The following WWOX variants were observed in gnomAD, a reference collection of about 807,000 sequenced individuals.
The protein encoded by WWOX is WW domain-containing oxidoreductase.
A neutral mutation model predicts 46.2 loss-of-function variants in WWOX; 69 were observed. That is an observed-to-expected ratio of 1.49 (90% CI 1.23 to 1.82). The LOEUF is 1.82. Among genes scored for constraint, WWOX ranks in the 40% most tolerant of loss-of-function variants. The probability of loss-of-function intolerance (pLI) is 0.00; values close to 1 mark genes in which losing one functional copy is unlikely to be tolerated. For missense variants in WWOX, 919 were observed against 542.6 expected, an observed-to-expected ratio of 1.69 and a Z score of -6.89; for synonymous variants, 359 against 202.6, an observed-to-expected ratio of 1.77 and a Z score of -6.56.
intron 5 of WWOX, among the ~76,000 whole-genome samples, chr16:78,166,228 A>C (rs992265998): frequency 6.6e-6 from 1 of 151,334 alleles, no homozygotes; most frequent in Non-Finnish European, 1.5e-5. Flanking sequence ...GATCTACTTC[A>C]TTGTTTTAAC....
intron 5 of WWOX, among the ~76,000 whole-genome samples, chr16:78,292,964 C>G (rs561029045): frequency 2.6e-5 from 4 of 152,324 alleles, no homozygotes; most frequent in East Asian, 3.9e-4. Context: ...CTCCCCTCCC[C>G]ACCCTTGTTG....
At chr16:78,408,817 G>C (rs528970348) in intron 6 of WWOX, among the ~76,000 whole-genome samples, 2 of 152,296 alleles carry the variant, frequency 1.3e-5, no homozygotes, top group African/African-American at 4.8e-5. Context: ...CATGTAGGCT[G>C]GGCATCTGGG....
At chr16:78,252,653 A>T (rs2038015430) in intron 5 of WWOX, among the ~76,000 whole-genome samples, 1 of 152,182 alleles carries the variant, frequency 6.6e-6, no homozygotes, top group South Asian at 2.1e-4. Context: ...ACCAGCGATT[A>T]ATTATGCCTT....
intron 8 of WWOX, among the ~76,000 whole-genome samples, chr16:78,444,554 G>A (rs12926077): frequency 2.4e-5 from 3 of 126,130 alleles, no homozygotes; most frequent in African/African-American, 1.1e-4. Context: ...TTTTTGAGGT[G>A]GAGTCTCACT....
At chr16:78,312,656 T>A (rs1597468700) in intron 5 of WWOX, among the ~76,000 whole-genome samples, 1 of 152,226 alleles carries the variant, frequency 6.6e-6, no homozygotes, top group Non-Finnish European at 1.5e-5. Flanking sequence ...ATTACAGGCA[T>A]GAGCCACTGT....
At chr16:78,833,777 TAA>T (rs2051897698) in intron 8 of WWOX, among the ~76,000 whole-genome samples, 1 of 152,224 alleles carries the variant, frequency 6.6e-6, no homozygotes, top group Non-Finnish European at 1.5e-5. Flanking sequence ...AACTGAGGCA[TAA>T]GAGGATCCGA....
At chr16:78,750,031 C>A (rs1044343800) in intron 8 of WWOX, among the ~76,000 whole-genome samples, 1 of 152,096 alleles carries the variant, frequency 6.6e-6, no homozygotes, top group Non-Finnish European at 1.5e-5. Flanking sequence ...TAGATAGACT[C>A]TATCAGGGAA....
chr16:78,616,857 C>T (rs1001846663), intron 8 of WWOX, among the ~76,000 whole-genome samples: 17 of 152,166 alleles, frequency 1.1e-4, no homozygotes, highest in African/African-American at 3.9e-4. Context: ...AAAGTCCGCA[C>T]TTCCTAATGT....
At chr16:79,031,201 G>T (rs1405690639) in intron 8 of WWOX, among the ~76,000 whole-genome samples, 2 of 152,120 alleles carry the variant, frequency 1.3e-5, no homozygotes, top group African/African-American at 2.4e-5. Context: ...CTTCTTGAGG[G>T]TGTTTAGGGA....
rs182215015 is a variant in WWOX at position 78,803,791 on chromosome 16, G to T, written c.1056+371039G>T. ...CATTCTTGGAAGTAAAACCACAGGG[G>T]ATCTGTTGGAAGTGGCATGATGGAG... is the stretch of plus-strand genomic sequence containing the variant. On this transcript the variant is annotated intron_variant, in intron 8 of 8. Coordinates refer to ENST00000566780, the MANE Select transcript of WWOX (RefSeq NM_016373.4). 2.3e-3 allele frequency among the ~76,000 whole-genome samples: 343 copies of T among 152,212 alleles called. 1 individual carries two copies. The highest frequency in any genetic ancestry group is 7.8e-3 in the African/African-American group (326 of 41,546).
At chr16:78,621,882 G>A (rs1052770617) in intron 8 of WWOX, among the ~76,000 whole-genome samples, 3 of 151,988 alleles carry the variant, frequency 2.0e-5, no homozygotes, top group African/African-American at 7.2e-5. Context: ...TGGGATTACA[G>A]GCGTGAGCCA....
At chr16:79,208,193 A>G (rs541172093) in intron 8 of WWOX, among the ~76,000 whole-genome samples, 16 of 152,320 alleles carry the variant, frequency 1.1e-4, no homozygotes, top group South Asian at 4.1e-4. Context: ...CAGCTCACAA[A>G]TGTTTGACTA....
rs557491067 is a variant in WWOX at position 78,800,257 on chromosome 16, A to G, written c.1056+367505A>G. Among the ~76,000 whole-genome samples the G allele has an allele frequency of 7.9e-5, 12 of 152,218 alleles. No individual in the cohort carries two copies. The East Asian group carries it at 2.1e-3, about 27-fold the overall frequency. On this transcript the variant is annotated intron_variant, in intron 8 of 8. Transcript: ENST00000566780. Reference sequence around the variant, plus strand: ...TTCATTGTTCCATGGCAAAAAAAAAAAGTCGAGCTTTTCAGCCACAGTATT... The same window carrying G: ...TTCATTGTTCCATGGCAAAAAAAAAGAGTCGAGCTTTTCAGCCACAGTATT...
intron 8 of WWOX, among the ~76,000 whole-genome samples, chr16:78,981,327 G>C (rs186973790): frequency 6.6e-5 from 10 of 152,166 alleles, no homozygotes; most frequent in East Asian, 1.9e-4. Context: ...TGCTGGGTGG[G>C]GGGGGAAAAC....
At chr16:78,535,097 A>T (rs2043726958) in intron 8 of WWOX, 1 of 152,394 alleles carries the variant, frequency 6.6e-6, no homozygotes, top group Non-Finnish European at 1.5e-5. Flanking sequence ...AGCTGGTTTT[A>T]TGTCTCCTTC....
At chr16:79,130,284 G>T (rs1427564632) in intron 8 of WWOX, among the ~76,000 whole-genome samples, 2 of 152,162 alleles carry the variant, frequency 1.3e-5, no homozygotes, top group Non-Finnish European at 2.9e-5. Context: ...TTAGCATAGT[G>T]CCTGCCACTT....
At chr16:78,461,923 C>G (rs1193851033) in intron 8 of WWOX, among the ~76,000 whole-genome samples, 2 of 152,206 alleles carry the variant, frequency 1.3e-5, no homozygotes, top group Non-Finnish European at 1.5e-5. Context: ...CTTTTATGTT[C>G]TGTACTTCAA....
intron 8 of WWOX, among the ~76,000 whole-genome samples, chr16:78,870,618 T>C (rs1053819309): frequency 3.3e-5 from 5 of 152,218 alleles, no homozygotes; most frequent in African/African-American, 1.2e-4. Context: ...TTTTCTTTTT[T>C]GGAGACGGAA....
At chr16:78,847,023 G>A (rs926380323) in intron 8 of WWOX, among the ~76,000 whole-genome samples, 1 of 152,248 alleles carries the variant, frequency 6.6e-6, no homozygotes, top group Middle Eastern at 3.2e-3. Context: ...TTTCGGGCAG[G>A]TTCCTGCACC....
Sources: gnomAD v4.1 joint callset for allele counts (sites outside exome capture counted in the v4.1 genomes callset) on GRCh38, gnomAD v4.1.1 for gene constraint, MANE v1.5 for transcripts, NCBI Gene and HGNC (gene_info 2026-07-23, HGNC 2026-07-21) for gene names.